Variants in GBF1 observed in about 807,000 individuals in gnomAD.
GBF1 encodes golgi brefeldin A resistant guanine nucleotide exchange factor 1.
In GBF1, 114 loss-of-function variants were observed where a neutral mutation model predicts 210.5. The ratio of observed to expected loss-of-function variants is 0.54; its 90% CI spans 0.47 to 0.63. GBF1 has a LOEUF of 0.63. Among genes scored for constraint, GBF1 ranks in the 30% least tolerant of loss-of-function variants. GBF1 has a pLI of 0.00. For missense variants in GBF1, 1,851 were observed against 2,357.7 expected (o/e 0.79, Z 4.45); for synonymous variants, 850 against 889.2 (o/e 0.96, Z 0.78).
At chr10:102,367,879 G>A (rs538801094) in intron 21 of GBF1, among the ~76,000 whole-genome samples, 3 of 152,354 alleles carry the variant, frequency 2.0e-5, no homozygotes, top group African/African-American at 7.2e-5. Flanking sequence ...CCCAAGATGG[G>A]CACTGGAGTG....
intron 29 of GBF1, among the ~76,000 whole-genome samples, chr10:102,373,839 G>A (rs1032070465): frequency 6.6e-6 from 1 of 152,142 alleles, no homozygotes; most frequent in Non-Finnish European, 1.5e-5. Context: ...AATGTTTATA[G>A]AAGCCTTAGT....
intron 3 of GBF1, among the ~76,000 whole-genome samples, chr10:102,272,849 AT>A (rs1172760810): frequency 6.6e-6 from 1 of 152,084 alleles, no homozygotes; most frequent in Non-Finnish European, 1.5e-5. Flanking sequence ...GCTTGTGAGT[AT>A]TTTTTAGTGT....
At chr10:102,231,548 G>T in the GBF1 span, 1 of 1,363,300 alleles carries the variant, frequency 7.3e-7, no homozygotes, top group Non-Finnish European at 1.0e-6. Flanking sequence ...TGAGCGCGGA[G>T]GGCCCGCGCG....
In GBF1 at chr10:102,344,179, A is replaced by G; in HGVS notation, c.292A>G (p.Ile98Val). Residue 98 changes from isoleucine (I) to valine (V), a missense_variant, in exon 4 of 40, where the codon ATA (isoleucine) becomes GTA (valine). Physicochemically the swap from Ile to Val is conservative, Grantham distance 29 (BLOSUM62 3). Transcript: ENST00000369983. ...SVNKFLSYALIDPTHEGTAEG... is the reference protein window; with the variant it reads ...SVNKFLSYALVDPTHEGTAEG... ...CAACAAGTTCCTGTCCTATGCACTC[A>G]TAGGTAAGAGCTCAGGCTTTGTTGC... is the stretch of plus-strand genomic sequence containing the variant. The G allele has an allele frequency of 1.5e-5, 25 of 1,613,918 alleles. No homozygotes were observed. The highest frequency in any genetic ancestry group is 2.0e-5 in the Non-Finnish European group (24 of 1,179,852).
At chr10:102,381,091 C>G (rs2060816425) in intron 38 of GBF1, 36 bp from the exon 39 acceptor site, 1 of 1,605,088 alleles carries the variant, frequency 6.2e-7, no homozygotes, top group South Asian at 1.1e-5. Context: ...AGAGAAAGCA[C>G]TAAGAGGTGC....
At chr10:102,269,138 C>T (rs1003759386) in intron 3 of GBF1, among the ~76,000 whole-genome samples, 2 of 152,324 alleles carry the variant, frequency 1.3e-5, no homozygotes, top group South Asian at 2.1e-4. Context: ...GTAACATCAG[C>T]ATTCTGTTAC....
the GBF1 span, chr10:102,231,891 C>T: frequency 3.8e-6 from 6 of 1,560,328 alleles, no homozygotes; most frequent in Non-Finnish European, 4.4e-6. Flanking sequence ...ACCGGGGCTG[C>T]CCAGCCGGGG....
intron 3 of GBF1, among the ~76,000 whole-genome samples, chr10:102,302,433 A>G (rs1429717403): frequency 6.6e-6 from 1 of 152,210 alleles, no homozygotes; most frequent in Non-Finnish European, 1.5e-5. Context: ...TAACAACAAA[A>G]CAAAAATGCC....
chr10:102,351,390 A>C lies in GBF1; in HGVS notation c.414+16A>C, dbSNP rs568547393. On this transcript the variant is annotated intron_variant, in intron 5 of 39. Coordinates refer to ENST00000369983, the MANE Select transcript of GBF1 (RefSeq NM_001377137.1). ...AATCCTTCAGGTAAGCGAGAGGGAA[A>C]TAGCAATTAGGCTAATGGCCAGGGG... 7.6e-7 allele frequency: 1 copy of C among 1,321,284 alleles called. No individual in the cohort carries two copies. The highest frequency in any genetic ancestry group is 1.2e-5 in the South Asian group (1 of 85,224). The allele number at this position is 1,321,284 out of a possible 1,614,324, so 81.8% of individuals were successfully genotyped here. A position where few individuals can be genotyped will look rare whatever the true frequency, so the allele number is the denominator to read the frequency against.
intron 23 of GBF1, 59 bp from the exon 24 acceptor site, chr10:102,369,152 G>A: frequency 7.9e-7 from 1 of 1,266,160 alleles, no homozygotes; most frequent in Non-Finnish European, 1.1e-6. Context: ...AGAGACCTAA[G>A]AGATTTTCCT....
intron 3 of GBF1, among the ~76,000 whole-genome samples, chr10:102,272,881 TG>T (rs1269343924): frequency 6.6e-6 from 1 of 152,236 alleles, no homozygotes; most frequent in African/African-American, 2.4e-5. Flanking sequence ...ATTACAGATA[TG>T]TTTTTTTCCA....
chr10:102,340,073 C>T (rs1156263762), intron 3 of GBF1, among the ~76,000 whole-genome samples: 1 of 151,318 alleles, frequency 6.6e-6, no homozygotes, highest in Non-Finnish European at 1.5e-5. Context: ...TTCACCTCAG[C>T]CTCCCCAGTA....
At chr10:102,265,874 C>T (rs919176684) in intron 3 of GBF1, among the ~76,000 whole-genome samples, 2 of 151,940 alleles carry the variant, frequency 1.3e-5, no homozygotes, top group Non-Finnish European at 2.9e-5. Context: ...GAGATTTAGT[C>T]CCAGGTCTTT....
At chr10:102,287,112 T>C (rs977474762) in intron 3 of GBF1, among the ~76,000 whole-genome samples, 1 of 152,160 alleles carries the variant, frequency 6.6e-6, no homozygotes, top group Non-Finnish European at 1.5e-5. Context: ...AATTTGCAGA[T>C]GATTCTTTCT....
upstream of GBF1, among the ~76,000 whole-genome samples, chr10:102,244,180 C>T (rs756147258): frequency 3.7e-4 from 56 of 152,264 alleles, no homozygotes; most frequent in Non-Finnish European, 2.1e-4. Context: ...AAAAAAATAG[C>T]GCATCGTAGC....
intron 3 of GBF1, among the ~76,000 whole-genome samples, chr10:102,308,234 A>T (rs1307781095): frequency 6.7e-6 from 1 of 149,624 alleles, no homozygotes; most frequent in Non-Finnish European, 1.5e-5. Context: ...AAACTGCCCA[A>T]ATCTCCATCA....
intron 3 of GBF1, among the ~76,000 whole-genome samples, chr10:102,273,022 A>G (rs1228264282): frequency 1.3e-5 from 2 of 152,180 alleles, no homozygotes; most frequent in Non-Finnish European, 1.5e-5. Context: ...CCAGCAATAA[A>G]GGGGAAAAAA....
At chr10:102,231,692 G>T in the GBF1 span, 1 of 1,610,976 alleles carries the variant, frequency 6.2e-7, no homozygotes, top group Non-Finnish European at 8.5e-7. Context: ...TCCTGTAGCT[G>T]CTGGCTGGTG....
At chr10:102,252,013 A>C (rs1339784194) in intron 1 of GBF1, among the ~76,000 whole-genome samples, 1 of 151,752 alleles carries the variant, frequency 6.6e-6, no homozygotes, top group African/African-American at 2.4e-5. Context: ...ACATGGTGAA[A>C]CCCCAACTCT....
Sources: gnomAD v4.1 joint callset for allele counts (sites outside exome capture counted in the v4.1 genomes callset) on GRCh38, gnomAD v4.1.1 for gene constraint, MANE v1.5 for transcripts, NCBI Gene and HGNC (gene_info 2026-07-23, HGNC 2026-07-21) for gene names.